ZNF554: variants seen among roughly 807,000 people sequenced by gnomAD.
ZNF554 encodes the protein zinc finger protein 554.
Under a neutral mutation model 21.2 loss-of-function variants are expected in ZNF554, and 15 were observed. The ratio of observed to expected loss-of-function variants is 0.71; its 90% CI spans 0.47 to 1.09. ZNF554 has a LOEUF of 1.09. Ranked by LOEUF, ZNF554 falls within the 50% of genes least tolerant of loss-of-function variation. The probability of loss-of-function intolerance (pLI) is 0.00; values close to 1 mark genes in which losing one functional copy is unlikely to be tolerated. For synonymous variants in ZNF554, 258 were observed against 251.4 expected (o/e 1.03, Z -0.25); for missense variants, 691 against 662.7 (o/e 1.04, Z -0.47).
Position 2,834,216 on chromosome 19 carries a change from C to A in ZNF554, c.981C>A (p.His327Gln). ...CGGCAGAGAAACCCTTTGAGTGCCA[C>A]CAGTGTGGGAAGGTGTTCAACCGGA... is the stretch of plus-strand genomic sequence containing the variant. ...INTAEKPFEC[H>Q]QCGKVFNRRH... Residue 327 changes from histidine to glutamine, a missense_variant, in exon 5 of 5, where the codon CAC (histidine) becomes CAA (glutamine). By Grantham distance (24) the His-to-Gln change is conservative. Coordinates refer to ENST00000317243, the MANE Select transcript of ZNF554 (RefSeq NM_001102651.2). 1 of 1,613,996 alleles carries A rather than the reference C, an allele frequency of 6.2e-7. No homozygotes were observed. The highest frequency in any genetic ancestry group is 1.1e-5 in the South Asian group (1 of 91,090).
chr19:2,824,980 C>G (rs535000428), intron 2 of ZNF554, among the ~76,000 whole-genome samples: 41 of 149,574 alleles, frequency 2.7e-4, no homozygotes, highest in African/African-American at 9.9e-4. Context: ...GCTTCTCTCA[C>G]TGAGCATAAC....
At chr19:2,832,082 C>T (rs1040696824) in intron 3 of ZNF554, 23 of 350,166 alleles carry the variant, frequency 6.6e-5, no homozygotes, top group African/African-American at 3.6e-4. Context: ...TGCACCACCA[C>T]GCCCAGCTAA....
chr19:2,828,022 C>T (rs10421103), intron 3 of ZNF554, among the ~76,000 whole-genome samples: 64,002 of 151,902 alleles, frequency 0.42, 13,753 homozygotes, highest in South Asian at 0.57. Context: ...TTATTCATTA[C>T]CACGAGAACA....
In ZNF554 at chr19:2,835,006, A is replaced by G; in HGVS notation, c.*154A>G. 2.7e-6 allele frequency: 2 copies of G among 732,650 alleles called. No homozygotes were observed. Among genetic ancestry groups the G allele is most frequent in the South Asian group, 2.0e-5 (1 of 49,862 alleles). The allele number at this position is 732,650 out of a possible 1,614,324, so 45.4% of individuals were successfully genotyped here. Reference sequence around the variant, plus strand: ...AAGCTCTGAGAATGGGCATTTTTGTATTTTGTTGTTGTTGTTGAGATGGAG... The same window carrying G: ...AAGCTCTGAGAATGGGCATTTTTGTGTTTTGTTGTTGTTGTTGAGATGGAG... On this transcript the variant is annotated 3_prime_UTR_variant, in exon 5 of 5. Coordinates refer to ENST00000317243, the MANE Select transcript of ZNF554 (RefSeq NM_001102651.2).
rs370281609 is a variant in ZNF554 at position 2,834,391 on chromosome 19, G to A, written c.1156G>A (p.Gly386Arg). 9.5e-5 allele frequency: 154 copies of A among 1,613,904 alleles called. No individual in the cohort carries two copies. The highest frequency in any genetic ancestry group is 1.1e-4 in the Non-Finnish European group (135 of 1,179,980). ...GAAGCCCTACGGGTGCGGTGAGTGC[G>A]GGAAAGCCTTCAACAGGATCTCATC... is the stretch of plus-strand genomic sequence containing the variant. Reference protein sequence around the residue: ...GEKPYGCGECGKAFNRISSLT... With the variant: ...GEKPYGCGECRKAFNRISSLT... The change falls in exon 5 of 5, where the codon GGG becomes AGG. Residue 386 changes from glycine (G) to arginine (R), a missense_variant. Coordinates refer to ENST00000317243, the MANE Select transcript of ZNF554 (RefSeq NM_001102651.2).
At position 2,834,352 on chromosome 19, in the gene ZNF554, A is replaced by G; in HGVS notation, c.1117A>G (p.Thr373Ala). Residue 373 changes from threonine (T) to alanine (A), a missense_variant, in exon 5 of 5, where the codon ACT (threonine) becomes GCT (alanine). Thr to Ala is a moderately conservative substitution (Grantham distance 58). Transcript: ENST00000317243. ...HSSTLTRHLR[T>A]HTGEKPYGCG... Reference sequence around the variant, plus strand: ...CTCCACCCTCACGCGCCATCTGAGAACTCATACTGGAGAGAAGCCCTACGG... The same window carrying G: ...CTCCACCCTCACGCGCCATCTGAGAGCTCATACTGGAGAGAAGCCCTACGG... 6.2e-7 allele frequency: 1 copy of G among 1,613,948 alleles called. No individual in the cohort carries two copies.
In ZNF554 at chr19:2,834,799, A is replaced by ATG; in HGVS notation, c.1565_1566insGT (p.Ile522MetfsTer46). On this transcript the variant is annotated frameshift_variant, in exon 5 of 5. Coordinates refer to ENST00000317243, the MANE Select transcript of ZNF554 (RefSeq NM_001102651.2). LOFTEE classifies it low-confidence loss of function (END_TRUNC). ...TCACAGCAGCCAGAAAACCTATAAAATCATTGACTGTGGGAAAGCGTTCTA... is the reference window on the plus strand; with the variant it reads ...TCACAGCAGCCAGAAAACCTATAAAATGTCATTGACTGTGGGAAAGCGTTCTA... 7 of 1,610,182 alleles carry ATG rather than the reference A, an allele frequency of 4.3e-6. No homozygotes were observed. The highest frequency in any genetic ancestry group is 5.9e-6 in the Non-Finnish European group (7 of 1,177,156).
At chr19:2,823,181 G>C in intron 2 of ZNF554, 69 bp downstream of exon 2, 1 of 1,494,656 alleles carries the variant, frequency 6.7e-7, no homozygotes, top group Admixed American at 1.9e-5. Context: ...CAGAAACTCA[G>C]TCCTCGATAG....
Position 2,820,638 on chromosome 19 carries a change from A to G in ZNF554, c.53+514A>G, listed in dbSNP as rs182153955. 1.7e-4 allele frequency among the ~76,000 whole-genome samples: 25 copies of G among 148,952 alleles called. No homozygotes were observed. In the East Asian group the frequency reaches 4.4e-3, roughly 26 times the overall value. On this transcript the variant is annotated intron_variant, in intron 1 of 4. Transcript: ENST00000317243. ...CACAGCGCCCTGAGGGAGAGACCTC[A>G]CTTATACGTTAGCACCGCTGTCCTG...
chr19:2,822,039 T>C (rs938958882), intron 1 of ZNF554, among the ~76,000 whole-genome samples: 1 of 152,146 alleles, frequency 6.6e-6, no homozygotes, highest in Non-Finnish European at 1.5e-5. Context: ...TGAGAGCTTT[T>C]GTTTCTTCTT....
intron 2 of ZNF554, 106 bp from the exon 3 acceptor site, chr19:2,827,511 C>A: frequency 7.1e-7 from 1 of 1,417,988 alleles, no homozygotes; most frequent in Non-Finnish European, 9.5e-7. Flanking sequence ...ATGGACTTTG[C>A]ACCTTGACCT....
In ZNF554 at chr19:2,819,983, C is replaced by T. The variant is rs2087240011; in HGVS notation, c.-89C>T. On this transcript the variant is annotated 5_prime_UTR_variant, in exon 1 of 5. Coordinates refer to ENST00000317243, the MANE Select transcript of ZNF554 (RefSeq NM_001102651.2). ...GCGCCGAGGAGCCGAGCGGAGGAGG[C>T]GTCCCAGGGACACGCAGGGGAGGCC... The T allele has an allele frequency of 2.9e-6, 3 of 1,032,758 alleles. No homozygotes were observed. The highest frequency in any genetic ancestry group is 4.6e-5 in the Admixed American group (1 of 21,834). 64.0% of individuals were successfully genotyped at this position (1,032,758 alleles called of 1,614,324 possible).
Position 2,832,322 on chromosome 19 carries a change from T to C in ZNF554, c.273T>C (p.Cys91=). ...VVSLEALKNQ[C]TDVGIKEGPL... is the part of the protein sequence containing the mutation. Reference sequence around the variant, plus strand: ...TTTCAGAAGCCTTGAAGAACCAATGTACTGATGTGGGGATTAAAGAGGGTC... The same window carrying C: ...TTTCAGAAGCCTTGAAGAACCAATGCACTGATGTGGGGATTAAAGAGGGTC... The change falls in exon 4 of 5, where the codon TGT becomes TGC. Residue 91 remains cysteine (C), a synonymous_variant. Coordinates refer to ENST00000317243, the MANE Select transcript of ZNF554 (RefSeq NM_001102651.2). 1 of 1,605,170 alleles carries C rather than the reference T, an allele frequency of 6.2e-7. No homozygotes were observed. Among genetic ancestry groups the C allele is most frequent in the Non-Finnish European group, 8.5e-7 (1 of 1,177,090 alleles).
At chr19:2,822,261 G>A (rs1207421657) in intron 1 of ZNF554, among the ~76,000 whole-genome samples, 1 of 151,972 alleles carries the variant, frequency 6.6e-6, no homozygotes, top group African/African-American at 2.4e-5. Context: ...ATGTTGGCCA[G>A]GCTGGTCTTG....
In ZNF554 at chr19:2,821,947, G is replaced by C. The variant is rs932617791; in HGVS notation, c.54-1093G>C. ...CAAAATGCTGGGATTACAGACGTGA[G>C]TCACCTAGTCCAGCTGTCTCTTTCT... On this transcript the variant is annotated intron_variant, in intron 1 of 4. Coordinates refer to ENST00000317243, the MANE Select transcript of ZNF554 (RefSeq NM_001102651.2). This position sits in a 1 kb window ranked among gnomAD's most constrained non-coding sequence, Gnocchi z 8.2. Among the ~76,000 whole-genome samples, 1 of 152,134 alleles carries C rather than the reference G, an allele frequency of 6.6e-6. No individual in the cohort carries two copies. Among genetic ancestry groups the C allele is most frequent in the Non-Finnish European group, 1.5e-5 (1 of 68,024 alleles).
Position 2,835,023 on chromosome 19 carries a change from G to T in ZNF554, c.*171G>T, listed in dbSNP as rs2144829653. 3.1e-6 allele frequency: 2 copies of T among 652,598 alleles called. No homozygotes were observed. Among genetic ancestry groups the T allele is most frequent in the East Asian group, 5.7e-5 (2 of 35,358 alleles). 40.4% of individuals were successfully genotyped at this position (652,598 alleles called of 1,614,324 possible). On this transcript the variant is annotated 3_prime_UTR_variant, in exon 5 of 5. Coordinates refer to ENST00000317243, the MANE Select transcript of ZNF554 (RefSeq NM_001102651.2). Reference sequence around the variant, plus strand: ...ATTTTTGTATTTTGTTGTTGTTGTTGAGATGGAGTCTGCCACCCAGGCTGG... The same window carrying T: ...ATTTTTGTATTTTGTTGTTGTTGTTTAGATGGAGTCTGCCACCCAGGCTGG...
In ZNF554 at chr19:2,827,845, A is replaced by G. The variant is rs1599547962; in HGVS notation, c.253+102A>G. On this transcript the variant is annotated intron_variant, in intron 3 of 4. Coordinates refer to ENST00000317243, the MANE Select transcript of ZNF554 (RefSeq NM_001102651.2). ...ATAAAGAAATACCCAAGACTGGGTA[A>G]TTTGTAAAGGAAAGGGGGTTTAATG... 7.7e-6 allele frequency: 11 copies of G among 1,424,988 alleles called. No individual in the cohort carries two copies. In the East Asian group the frequency reaches 2.2e-4, roughly 29 times the overall value. The allele number at this position is 1,424,988 out of a possible 1,614,324, so 88.3% of individuals were successfully genotyped here. A position where few individuals can be genotyped will look rare whatever the true frequency, so the allele number is the denominator to read the frequency against.
intron 2 of ZNF554, among the ~76,000 whole-genome samples, chr19:2,824,542 A>C (rs1228777301): frequency 2.6e-5 from 4 of 152,234 alleles, no homozygotes; most frequent in Non-Finnish European, 1.5e-5. Flanking sequence ...TACCTGAAAG[A>C]ATATTTCTGT....
chr19:2,829,490 A>G (rs2087382983), intron 3 of ZNF554, among the ~76,000 whole-genome samples: 1 of 151,800 alleles, frequency 6.6e-6, no homozygotes, highest in African/African-American at 2.4e-5. Context: ...ATACAAAATT[A>G]GCCAGGCGTG....
Sources: gnomAD v4.1 joint callset for allele counts (sites outside exome capture counted in the v4.1 genomes callset) on GRCh38, gnomAD v4.1.1 for gene constraint, Gnocchi (gnomAD v3.1) non-coding constraint, MANE v1.5 for transcripts, NCBI Gene and HGNC (gene_info 2026-07-23, HGNC 2026-07-21) for gene names.